The following EPB41L1 variants were observed in gnomAD, a reference collection of about 807,000 sequenced individuals.
The protein encoded by EPB41L1 is erythrocyte membrane protein band 4.1 like 1, also known as band 4.1-like protein 1.
In EPB41L1, 29 loss-of-function variants were observed where a neutral mutation model predicts 97.8. The observed-to-expected ratio is 0.30, with a 90% CI of 0.22 to 0.40. The LOEUF (loss-of-function observed/expected upper bound fraction) is 0.40, where lower values mean the gene tolerates loss of function less well. Among genes scored for constraint, EPB41L1 ranks in the 10% least tolerant of loss-of-function variants. The pLI, the probability that EPB41L1 is intolerant of heterozygous loss-of-function variation, is 1.00. For synonymous variants in EPB41L1, 383 were observed against 459.2 expected, an observed-to-expected ratio of 0.83 and a Z score of 2.12; for missense variants, 812 against 1,162.3, an observed-to-expected ratio of 0.70 and a Z score of 4.38.
chr20:36,165,493 G>A (rs1014265922), intron 1 of EPB41L1, among the ~76,000 whole-genome samples: 5 of 151,790 alleles, frequency 3.3e-5, no homozygotes, highest in African/African-American at 1.2e-4. Context: ...GAGGTCAGGA[G>A]TTCAAGACCA....
rs149400374 is a variant in EPB41L1, at chr20:36,183,641, T to C, written c.566+1294T>C. On this transcript the variant is annotated intron_variant, in intron 6 of 21. Coordinates refer to ENST00000338074, the MANE Select transcript of EPB41L1 (RefSeq NM_012156.2). ...ACAGATGGCCCCAGGAGATGGGTGC[T>C]ATAGCAGCTGATTTCGCCAAAAATA... 2.0e-5 allele frequency among the ~76,000 whole-genome samples: 3 copies of C among 152,334 alleles called. No homozygotes were observed. In the East Asian group the frequency reaches 5.8e-4, roughly 29 times the overall value.
intron 15 of EPB41L1, among the ~76,000 whole-genome samples, chr20:36,211,247 C>T (rs1299937183): frequency 1.3e-5 from 2 of 151,750 alleles, no homozygotes; most frequent in Non-Finnish European, 2.9e-5. Context: ...ATTAGCTGGG[C>T]GTGGTGGCAC....
intron 1 of EPB41L1, among the ~76,000 whole-genome samples, chr20:36,108,429 C>T (rs1011245495): frequency 6.6e-6 from 1 of 151,904 alleles, no homozygotes; most frequent in Admixed American, 6.6e-5. Flanking sequence ...AATCCCAGCA[C>T]TTTGGGAGGC....
intron 2 of EPB41L1, among the ~76,000 whole-genome samples, chr20:36,147,099 G>A (rs2059868635): frequency 6.6e-6 from 1 of 152,064 alleles, no homozygotes; most frequent in South Asian, 2.1e-4. Flanking sequence ...AGTGAACCAT[G>A]ATCACACCAC....
At chr20:36,117,886 A>T (rs563383636) in intron 2 of EPB41L1, among the ~76,000 whole-genome samples, 1 of 152,198 alleles carries the variant, frequency 6.6e-6, no homozygotes, top group East Asian at 1.9e-4. Flanking sequence ...CTCACTCACC[A>T]CTTCTGTATT....
rs994421480 is a variant in EPB41L1 at position 36,190,559 on chromosome 20, C to T, written c.1125-63C>T. 1.2e-5 allele frequency: 19 copies of T among 1,604,990 alleles called. No individual in the cohort carries two copies. In the African/African-American group the frequency reaches 2.1e-4, roughly 18 times the overall value. On this transcript the variant is annotated intron_variant, in intron 10 of 21. Coordinates refer to ENST00000338074, the MANE Select transcript of EPB41L1 (RefSeq NM_012156.2). The surrounding 1 kb of genome is among the most constrained non-coding windows in gnomAD (Gnocchi z 5.8). ...AGTGGGATGAAAGGCCAGCTGTGGT[C>T]TAACCTTGGGCCTGGCAGTGCAGGT...
At position 36,222,376 on chromosome 20, in the gene EPB41L1, G is replaced by C; in HGVS notation, c.2619G>C (p.Glu873Asp). The C allele has an allele frequency of 6.2e-7, 1 of 1,613,992 alleles. No homozygotes were observed. Among genetic ancestry groups the C allele is most frequent in the Non-Finnish European group, 8.5e-7 (1 of 1,179,990 alleles). ...VYRETDPSPE[E>D]RDKKPQES Reference sequence around the variant, plus strand: ...GAGAAACAGACCCATCCCCAGAGGAGAGGGACAAGAAGCCACAGGTAAGGC... The same window carrying C: ...GAGAAACAGACCCATCCCCAGAGGACAGGGACAAGAAGCCACAGGTAAGGC... The change falls in exon 21 of 22, where the codon GAG (glutamate) becomes GAC (aspartate). Residue 873 changes from glutamate (E) to aspartate (D), a missense_variant. Glu to Asp is a conservative substitution (Grantham distance 45, BLOSUM62 2). Transcript: ENST00000338074.
Position 36,232,352 on chromosome 20 carries a change from C to T in EPB41L1, c.*3012C>T. ...GTGACCATCCTGGCTCAGCTCCTAA[C>T]TCACCATGTGACATCAGGCTATCCC... On this transcript the variant is annotated 3_prime_UTR_variant, in exon 22 of 22. Transcript: ENST00000338074. 1 of 348,318 alleles carries T rather than the reference C, an allele frequency of 2.9e-6. No homozygotes were observed. Among genetic ancestry groups the T allele is most frequent in the Non-Finnish European group, 5.1e-6 (1 of 195,066 alleles). 21.6% of individuals were successfully genotyped at this position (348,318 alleles called of 1,614,324 possible).
chr20:36,098,300 A>C (rs991998785), intron 1 of EPB41L1, among the ~76,000 whole-genome samples: 3 of 152,154 alleles, frequency 2.0e-5, no homozygotes, highest in African/African-American at 4.8e-5. Flanking sequence ...TGCTACTCAA[A>C]GGATGCACAG....
At chr20:36,116,457 C>T (rs1380718558) in intron 2 of EPB41L1, among the ~76,000 whole-genome samples, 1 of 152,142 alleles carries the variant, frequency 6.6e-6, no homozygotes, top group Admixed American at 6.5e-5. Context: ...AACACAGGTG[C>T]CCATTTCCTT....
intron 1 of EPB41L1, among the ~76,000 whole-genome samples, chr20:36,097,403 A>T (rs2057867296): frequency 6.6e-6 from 1 of 152,224 alleles, no homozygotes; most frequent in African/African-American, 2.4e-5. Flanking sequence ...TGTTTTGATA[A>T]TTAAATGAGA....
chr20:36,180,298 A>G (rs1486031276), intron 5 of EPB41L1, among the ~76,000 whole-genome samples: 2 of 152,142 alleles, frequency 1.3e-5, no homozygotes, highest in Non-Finnish European at 2.9e-5. Flanking sequence ...AGGTGGTCCC[A>G]TTGGTCCTTG....
Position 36,177,988 on chromosome 20 carries a change from T to G in EPB41L1, c.379T>G (p.Cys127Gly). ...GGGCCAGGTGCTGTTTGACCTGGTC[T>G]GTGAACACCTCAACCTCCTAGAGAA... is the stretch of plus-strand genomic sequence containing the variant. Reference protein sequence around the residue: ...GRGQVLFDLVCEHLNLLEKDY... With the variant: ...GRGQVLFDLVGEHLNLLEKDY... Residue 127 changes from cysteine to glycine, a missense_variant, in exon 4 of 22, where the codon TGT becomes GGT. Cys to Gly is a radical substitution (Grantham distance 159, BLOSUM62 -3). Transcript: ENST00000338074. 6.2e-7 allele frequency: 1 copy of G among 1,614,220 alleles called. No individual in the cohort carries two copies. Among genetic ancestry groups the G allele is most frequent in the Non-Finnish European group, 8.5e-7 (1 of 1,180,022 alleles).
chr20:36,171,230 G>A (rs530685953), intron 1 of EPB41L1, among the ~76,000 whole-genome samples: 28 of 151,676 alleles, frequency 1.8e-4, no homozygotes, highest in Non-Finnish European at 3.7e-4. Context: ...GTATCCTTAA[G>A]TGCAGGCTCA....
intron 7 of EPB41L1, 151 bp downstream of exon 7, chr20:36,185,486 CT>C (rs2061646254): frequency 1.3e-6 from 1 of 770,306 alleles, no homozygotes; most frequent in Non-Finnish European, 2.2e-6. Context: ...AGCAAATCAT[CT>C]CTGTAAATAG....
chr20:36,171,964 T>C (rs1347988047), intron 1 of EPB41L1, among the ~76,000 whole-genome samples: 1 of 152,236 alleles, frequency 6.6e-6, no homozygotes, highest in East Asian at 1.9e-4. Context: ...AAAGCTTTTT[T>C]TTGAGGATCT....
chr20:36,129,560 GCT>G (rs2059110582), intron 2 of EPB41L1, among the ~76,000 whole-genome samples: 1 of 151,904 alleles, frequency 6.6e-6, no homozygotes, highest in African/African-American at 2.4e-5. Flanking sequence ...CTGACCCCAG[GCT>G]CACTGCTCCC....
At chr20:36,217,953 G>T (rs553540257) in intron 17 of EPB41L1, among the ~76,000 whole-genome samples, 1 of 152,332 alleles carries the variant, frequency 6.6e-6, no homozygotes, top group South Asian at 2.1e-4. Context: ...GACAGACAAG[G>T]CTGAGCCCTG....
At chr20:36,109,098 C>T (rs1046432920) in intron 1 of EPB41L1, among the ~76,000 whole-genome samples, 1 of 152,080 alleles carries the variant, frequency 6.6e-6, no homozygotes, top group African/African-American at 2.4e-5. Context: ...CGCCTGCCAC[C>T]ACGCCCGGCT....
Sources: gnomAD v4.1 joint callset for allele counts (sites outside exome capture counted in the v4.1 genomes callset) on GRCh38, gnomAD v4.1.1 for gene constraint, Gnocchi (gnomAD v3.1) non-coding constraint, MANE v1.5 for transcripts, NCBI Gene and HGNC (gene_info 2026-07-23, HGNC 2026-07-21) for gene names.